The following CNTN5 variants were observed in gnomAD, a reference collection of about 807,000 sequenced individuals.
CNTN5 encodes the protein contactin-5.
Under a neutral mutation model 129.1 loss-of-function variants are expected in CNTN5, and 77 were observed. The observed-to-expected ratio is 0.60, with a 90% confidence interval of 0.50 to 0.72. The LOEUF (loss-of-function observed/expected upper bound fraction) is 0.72. CNTN5 is among the 30% of genes least tolerant of loss of function. The pLI is 0.00. For synonymous variants in CNTN5, 509 were observed against 465.6 expected, an observed-to-expected ratio of 1.09 and a Z score of -1.20; for missense variants, 1,478 against 1,328.8, an observed-to-expected ratio of 1.11 and a Z score of -1.75.
intron 1 of CNTN5, among the ~76,000 whole-genome samples, chr11:99,219,663 T>TAA (rs11403866): frequency 0.01 from 1,489 of 144,510 alleles, 22 homozygotes; most frequent in East Asian, 0.077. Flanking sequence ...TGAGTAAGAT[T>TAA]AAAAAAAAAA....
chr11:99,202,416 G>A (rs1045815124), intron 1 of CNTN5, among the ~76,000 whole-genome samples: 1 of 152,102 alleles, frequency 6.6e-6, no homozygotes, highest in Non-Finnish European at 1.5e-5. Flanking sequence ...CACAGATAAT[G>A]GCAAACAGAT....
chr11:99,710,185 T>C (rs1274623395), intron 3 of CNTN5, among the ~76,000 whole-genome samples: 1 of 151,774 alleles, frequency 6.6e-6, no homozygotes, highest in African/African-American at 2.4e-5. Context: ...GCACCTTCTA[T>C]AGTCCCATTC....
At chr11:99,080,274 A>G (rs1865736880) in intron 1 of CNTN5, among the ~76,000 whole-genome samples, 1 of 152,208 alleles carries the variant, frequency 6.6e-6, no homozygotes, top group Admixed American at 6.5e-5. Flanking sequence ...CATTCAAGGC[A>G]AAGGAACAAG....
At chr11:100,173,217 C>G (rs1403597779) in intron 13 of CNTN5, among the ~76,000 whole-genome samples, 2 of 152,014 alleles carry the variant, frequency 1.3e-5, no homozygotes, top group Non-Finnish European at 2.9e-5. Context: ...CCTTCCATTC[C>G]TCACCCCTTT....
At chr11:100,027,663 G>A (rs945447687) in intron 9 of CNTN5, among the ~76,000 whole-genome samples, 9 of 152,070 alleles carry the variant, frequency 5.9e-5, no homozygotes, top group East Asian at 3.9e-4. Context: ...GTCCTCTCTC[G>A]TTTACTGTGA....
At chr11:99,843,156 A>G (rs1947569804) in intron 4 of CNTN5, among the ~76,000 whole-genome samples, 1 of 152,166 alleles carries the variant, frequency 6.6e-6, no homozygotes, top group Non-Finnish European at 1.5e-5. Context: ...CCTAGGAGGC[A>G]GAGGTTGCAG....
At chr11:99,227,210 A>G (rs368775571) in intron 1 of CNTN5, among the ~76,000 whole-genome samples, 3 of 151,998 alleles carry the variant, frequency 2.0e-5, no homozygotes, top group East Asian at 3.9e-4. Flanking sequence ...AATACAAAAA[A>G]TTAGCCAGGT....
At chr11:100,120,047 TATTA>T (rs528554231) in intron 13 of CNTN5, among the ~76,000 whole-genome samples, 74 of 151,830 alleles carry the variant, frequency 4.9e-4, no homozygotes, top group African/African-American at 5.8e-4. Flanking sequence ...GTCATTTTCA[TATTA>T]ATTAATGTAA....
chr11:100,272,487 AGAAGGAAG>A (rs576230218), intron 18 of CNTN5, among the ~76,000 whole-genome samples: 3 of 151,742 alleles, frequency 2.0e-5, no homozygotes, highest in African/African-American at 7.3e-5. Flanking sequence ...TGGCCCTCTC[AGAAGGAAG>A]GAAGGAAGGA....
At chr11:99,247,453 T>TTTATTATTA (rs111433002) in intron 1 of CNTN5, among the ~76,000 whole-genome samples, 2 of 150,372 alleles carry the variant, frequency 1.3e-5, no homozygotes, top group African/African-American at 4.9e-5. Context: ...CTACATTTCT[T>TTTATTATTA]TTATTATTAT....
At chr11:99,456,984 T>C (rs1944519752) in intron 2 of CNTN5, among the ~76,000 whole-genome samples, 1 of 151,910 alleles carries the variant, frequency 6.6e-6, no homozygotes. Context: ...ATGCTTCTGA[T>C]AAAATAAAAA....
In CNTN5 at chr11:99,257,291, C is replaced by A. The variant is rs186128391; in HGVS notation, c.-209-68055C>A. On this transcript the variant is annotated intron_variant, in intron 1 of 24. Coordinates refer to ENST00000524871, the MANE Select transcript of CNTN5 (RefSeq NM_014361.4). Reference sequence around the variant, plus strand: ...AGGAAGGGTAGGTCAAATTCCATTTCACATGTGAGGAAGTGAACTGTCACA... The same window carrying A: ...AGGAAGGGTAGGTCAAATTCCATTTAACATGTGAGGAAGTGAACTGTCACA... Among the ~76,000 whole-genome samples the A allele has an allele frequency of 1.5e-3, 221 of 152,248 alleles. 1 individual carries two copies. The highest frequency in any genetic ancestry group is 2.6e-3 in the Admixed American group (40 of 15,270).
intron 13 of CNTN5, among the ~76,000 whole-genome samples, chr11:100,103,662 T>C (rs1247310824): frequency 1.3e-5 from 2 of 152,214 alleles, no homozygotes; most frequent in Non-Finnish European, 2.9e-5. Flanking sequence ...CTGCAAATCC[T>C]ACTTTGCTCC....
rs7129316 is a variant in CNTN5 at position 100,164,261 on chromosome 11, T to A, written c.1581-26865T>A. 5.7e-3 allele frequency among the ~76,000 whole-genome samples: 865 copies of A among 151,960 alleles called. 6 individuals are homozygous for A. The highest frequency in any genetic ancestry group is 0.018 in the African/African-American group (743 of 41,512). ...TAACAGGAGAATAAATAGAAGGAGA[T>A]GACAAAGTGTATAGTTAATAATGTA... On this transcript the variant is annotated intron_variant, in intron 13 of 24. Coordinates refer to ENST00000524871, the MANE Select transcript of CNTN5 (RefSeq NM_014361.4).
At chr11:99,719,642 C>A (rs960534114) in intron 3 of CNTN5, among the ~76,000 whole-genome samples, 10 of 151,768 alleles carry the variant, frequency 6.6e-5, no homozygotes, top group Non-Finnish European at 1.3e-4. Flanking sequence ...ATTAGAGATG[C>A]AAGAACAAAT....
At chr11:99,737,146 C>T (rs1315542679) in intron 3 of CNTN5, among the ~76,000 whole-genome samples, 1 of 146,874 alleles carries the variant, frequency 6.8e-6, no homozygotes, top group Non-Finnish European at 1.5e-5. Context: ...CACACACAAA[C>T]ACACACACAC....
chr11:100,308,870 C>T, intron 21 of CNTN5: 1 of 983,930 alleles, frequency 1.0e-6, no homozygotes, highest in Non-Finnish European at 1.2e-6. Flanking sequence ...GCTGAATTAT[C>T]AAATTTTGCT....
At chr11:99,742,482 A>C (rs947292536) in intron 3 of CNTN5, among the ~76,000 whole-genome samples, 2 of 152,166 alleles carry the variant, frequency 1.3e-5, no homozygotes, top group Admixed American at 1.3e-4. Context: ...GACAGCTTTA[A>C]GTGGGATTGT....
intron 3 of CNTN5, among the ~76,000 whole-genome samples, chr11:99,813,990 T>C (rs1442882194): frequency 6.6e-6 from 1 of 152,156 alleles, no homozygotes; most frequent in African/African-American, 2.4e-5. Context: ...AGTCTTGTTG[T>C]AATAAAAATT....
Sources: gnomAD v4.1 joint callset for allele counts (sites outside exome capture counted in the v4.1 genomes callset) on GRCh38, gnomAD v4.1.1 for gene constraint, MANE v1.5 for transcripts, NCBI Gene and HGNC (gene_info 2026-07-23, HGNC 2026-07-21) for gene names.